TAOK3: variants seen among roughly 807,000 people sequenced by gnomAD.
TAOK3 encodes the protein TAO kinase 3, also known as serine/threonine-protein kinase TAO3.
A neutral mutation model predicts 120.4 loss-of-function variants in TAOK3; 40 were observed. The observed-to-expected ratio is 0.33, with a 90% CI of 0.26 to 0.43. The LOEUF is 0.43. Ranked by LOEUF, TAOK3 falls within the 20% of genes least tolerant of loss-of-function variation. The probability of loss-of-function intolerance (pLI) is 1.00; values close to 1 mark genes in which losing one functional copy is unlikely to be tolerated. For synonymous variants in TAOK3, 355 were observed against 387.5 expected (o/e 0.92, Z 0.99); for missense variants, 821 against 1,112.1 (o/e 0.74, Z 3.72).
intron 1 of TAOK3, among the ~76,000 whole-genome samples, chr12:118,285,135 C>A (rs1315482326): frequency 6.6e-6 from 1 of 151,656 alleles, no homozygotes; most frequent in Non-Finnish European, 1.5e-5. Flanking sequence ...CTATATATAT[C>A]TATATATATA....
intron 1 of TAOK3, among the ~76,000 whole-genome samples, chr12:118,294,484 G>C (rs919266728): frequency 1.3e-5 from 2 of 151,686 alleles, no homozygotes; most frequent in African/African-American, 4.8e-5. Flanking sequence ...CCTGGGTTCA[G>C]GCGACCCTCC....
chr12:118,235,706 T>C (rs1388573279), intron 7 of TAOK3, 35 bp from the exon 8 acceptor site: 2 of 1,442,508 alleles, frequency 1.4e-6, no homozygotes, highest in Admixed American at 3.8e-5. Flanking sequence ...GAAAATTACT[T>C]TTCAATTTTG....
Position 118,201,462 on chromosome 12 carries a change from T to C in TAOK3, c.821A>G (p.His274Arg). The change falls in exon 12 of 21, where the codon CAT becomes CGT. Residue 274 changes from histidine to arginine, a missense_variant and splice_region_variant. Physicochemically the swap from His to Arg is conservative, Grantham distance 29 (BLOSUM62 0). Coordinates refer to ENST00000392533, the MANE Select transcript of TAOK3 (RefSeq NM_016281.4). ...ERPTSAELLR[H>R]DFVRRDRPLR... is the part of the protein sequence containing the mutation. ...TGGCCGGTCTCGTCGAACAAAGTCA[T>C]GCTGATTGAGGGAGGAGGAAAAAAT... 6.2e-7 allele frequency: 1 copy of C among 1,607,690 alleles called. No individual in the cohort carries two copies. Among genetic ancestry groups the C allele is most frequent in the Non-Finnish European group, 8.5e-7 (1 of 1,176,522 alleles).
rs2039888873 is a variant in TAOK3, at chr12:118,233,748, A to G, written c.569T>C (p.Ile190Thr). The change falls in exon 9 of 21, where the codon ATC becomes ACC. Residue 190 changes from isoleucine (I) to threonine (T), a missense_variant. Around this residue, in one of 2 missense-constraint regions of TAOK3, gnomAD observed 467 missense variants for 540.0 expected, o/e 0.86. Transcript: ENST00000392533. ...GTPYWMAPEV[I>T]LAMDEGQYDG... The stretch of plus-strand genomic sequence containing the variant: ...ATACTGTCCTTCATCCATAGCTAAG[A>G]TCACCTCTGGAGCCATCCTACCAAA... The G allele has an allele frequency of 6.2e-7, 1 of 1,607,298 alleles. No individual in the cohort carries two copies.
At chr12:118,239,159 A>G in intron 6 of TAOK3, 68 bp downstream of exon 6, 3 of 1,025,218 alleles carry the variant, frequency 2.9e-6, no homozygotes, top group Non-Finnish European at 4.6e-6. Context: ...ACTACACTTT[A>G]GTATGGCGGT....
chr12:118,218,266 T>C (rs1315530868), intron 9 of TAOK3, among the ~76,000 whole-genome samples: 1 of 152,050 alleles, frequency 6.6e-6, no homozygotes, highest in East Asian at 1.9e-4. Context: ...TGCAAAAGAT[T>C]AAAAAAATCT....
At chr12:118,235,793 A>C in intron 7 of TAOK3, 122 bp from the exon 8 acceptor site, 2 of 640,044 alleles carry the variant, frequency 3.1e-6, no homozygotes, top group Non-Finnish European at 5.3e-6. Context: ...AACAAAACAA[A>C]CCTTGCTCAG....
chr12:118,328,592 A>G (rs576343557), intron 1 of TAOK3, among the ~76,000 whole-genome samples: 32 of 152,342 alleles, frequency 2.1e-4, no homozygotes, highest in African/African-American at 7.0e-4. Context: ...ACTGTATTTT[A>G]CTATTAAAAA....
At chr12:118,260,264 G>A (rs1434062951) in intron 2 of TAOK3, among the ~76,000 whole-genome samples, 1 of 152,098 alleles carries the variant, frequency 6.6e-6, no homozygotes, top group Non-Finnish European at 1.5e-5. Context: ...AAAGTGCTGG[G>A]ATTACAGGCA....
intron 9 of TAOK3, among the ~76,000 whole-genome samples, chr12:118,231,242 C>G (rs112187501): frequency 6.6e-6 from 1 of 151,990 alleles, no homozygotes; most frequent in Non-Finnish European, 1.5e-5. Context: ...GGTGTAGGAA[C>G]TGTGTAGATA....
At position 118,230,466 on chromosome 12, in the gene TAOK3, T is replaced by G. The variant is rs1222645796; in HGVS notation, c.643+3208A>C. On this transcript the variant is annotated intron_variant, in intron 9 of 20. Transcript: ENST00000392533. The stretch of plus-strand genomic sequence containing the variant: ...TGGGATTACCCTGTGAAGTGTTTTT[T>G]TTTTTTTTTTTTTTTTTTTTTTTGA... 1.9e-4 allele frequency among the ~76,000 whole-genome samples: 23 copies of G among 121,192 alleles called. 1 individual carries two copies. In the South Asian group the frequency reaches 6.9e-3, roughly 37 times the overall value. The allele number at this position is 121,192 out of a possible 152,430, so 79.5% of individuals were successfully genotyped here. A position where few individuals can be genotyped will look rare whatever the true frequency, so the allele number is the denominator to read the frequency against.
At chr12:118,360,434 G>C (rs2045556335) in intron 1 of TAOK3, among the ~76,000 whole-genome samples, 2 of 151,618 alleles carry the variant, frequency 1.3e-5, no homozygotes, top group Admixed American at 1.3e-4. Context: ...CGGGCATGGT[G>C]GTGGGCACCT....
chr12:118,259,842 A>C (rs1171609039), intron 2 of TAOK3, among the ~76,000 whole-genome samples: 2 of 152,154 alleles, frequency 1.3e-5, no homozygotes, highest in Non-Finnish European at 2.9e-5. Context: ...CAGAGAAACA[A>C]GATATGGAGA....
At chr12:118,315,855 A>G (rs1484896589) in intron 1 of TAOK3, among the ~76,000 whole-genome samples, 2 of 152,224 alleles carry the variant, frequency 1.3e-5, no homozygotes, top group African/African-American at 2.4e-5. Context: ...TGCAAGTATA[A>G]ATGACAAAGG....
intron 13 of TAOK3, among the ~76,000 whole-genome samples, chr12:118,195,669 A>C (rs1208653599): frequency 1.3e-5 from 2 of 152,224 alleles, no homozygotes; most frequent in Non-Finnish European, 2.9e-5. Context: ...GTAGTGTGGC[A>C]ACACTAGCCA....
intron 1 of TAOK3, among the ~76,000 whole-genome samples, chr12:118,333,337 A>C (rs2044229326): frequency 6.6e-6 from 1 of 152,262 alleles, no homozygotes; most frequent in East Asian, 1.9e-4. Flanking sequence ...GAAAGACAAC[A>C]GGAAAGTCTT....
chr12:118,233,489 T>A (rs2039878619), intron 9 of TAOK3, among the ~76,000 whole-genome samples, 185 bp downstream of exon 9: 1 of 151,608 alleles, frequency 6.6e-6, no homozygotes, highest in South Asian at 2.1e-4. Context: ...GAGAAAGCAA[T>A]CTGTGTTATG....
intron 3 of TAOK3, among the ~76,000 whole-genome samples, chr12:118,254,522 T>C (rs1377059457): frequency 6.6e-6 from 1 of 152,130 alleles, no homozygotes; most frequent in East Asian, 1.9e-4. Flanking sequence ...TGCAACAAAA[T>C]ATAAGAACAA....
At chr12:118,173,838 A>G (rs931952632) in intron 16 of TAOK3, among the ~76,000 whole-genome samples, 19 of 152,246 alleles carry the variant, frequency 1.2e-4, no homozygotes, top group African/African-American at 3.9e-4. Flanking sequence ...AATCTCCTTT[A>G]GTTGCTAACA....
Sources: allele counts gnomAD v4.1 joint callset (sites outside exome capture counted in the v4.1 genomes callset), GRCh38; gene constraint gnomAD v4.1.1; regional missense constraint gnomAD v4.1.1; transcripts MANE v1.5; gene names NCBI Gene and HGNC (gene_info 2026-07-23, HGNC 2026-07-21).